Variants in SYT16 observed in about 807,000 individuals in gnomAD.
The protein encoded by SYT16 is synaptotagmin 16, also known as synaptotagmin-16.
SYT16 carries 42 observed loss-of-function variants against 61.4 expected under a neutral mutation model. The ratio of observed to expected loss-of-function variants is 0.68; its 90% CI spans 0.53 to 0.89. The LOEUF (loss-of-function observed/expected upper bound fraction) is 0.89. Ranked by LOEUF, SYT16 falls within the 40% of genes least tolerant of loss-of-function variation. SYT16 has a pLI of 0.00. For missense variants in SYT16, 804 were observed against 807.3 expected, an observed-to-expected ratio of 1.00 and a Z score of 0.05; for synonymous variants, 314 against 302.3, an observed-to-expected ratio of 1.04 and a Z score of -0.40.
chr14:61,937,473 A>G (rs1040240751), intron 1 of SYT16, among the ~76,000 whole-genome samples: 2 of 152,076 alleles, frequency 1.3e-5, no homozygotes, highest in Non-Finnish European at 2.9e-5. Flanking sequence ...TCAGTTTCCA[A>G]CTCCGACCTG....
chr14:61,885,515 C>T (rs1014273118), intron 1 of SYT16, among the ~76,000 whole-genome samples: 1 of 152,092 alleles, frequency 6.6e-6, no homozygotes, highest in Non-Finnish European at 1.5e-5. Context: ...TGAATCCTTG[C>T]ACATATAGTC....
intron 3 of SYT16, among the ~76,000 whole-genome samples, chr14:62,066,634 C>CTGTGAATGAACAA (rs2056071885): frequency 6.6e-6 from 1 of 152,162 alleles, no homozygotes; most frequent in Non-Finnish European, 1.5e-5. Context: ...ATCTTCAGGA[C>CTGTGAATGAACAA]CCATCTGTGA....
chr14:62,065,630 T>C (rs2056029784), intron 3 of SYT16, among the ~76,000 whole-genome samples: 1 of 152,176 alleles, frequency 6.6e-6, no homozygotes, highest in African/African-American at 2.4e-5. Context: ...ATTTTAAAAA[T>C]TGGCCTAAAA....
In SYT16 at chr14:61,979,686, A is replaced by T. The variant is rs1324408227; in HGVS notation, c.-145+9375A>T. ...ATCACGAGGTCAAGAGATCGAGATCATCCTGGCCAACATGGTGAAACCCCG... is the reference window on the plus strand; with the variant it reads ...ATCACGAGGTCAAGAGATCGAGATCTTCCTGGCCAACATGGTGAAACCCCG... On this transcript the variant is annotated intron_variant, in intron 2 of 7. Transcript: ENST00000683842. 2.0e-5 allele frequency among the ~76,000 whole-genome samples: 3 copies of T among 152,326 alleles called. No individual in the cohort carries two copies. The East Asian group carries it at 5.8e-4, about 29-fold the overall frequency.
chr14:62,017,232 C>T (rs930867055), intron 3 of SYT16, among the ~76,000 whole-genome samples: 1 of 152,174 alleles, frequency 6.6e-6, no homozygotes, highest in Admixed American at 6.5e-5. Flanking sequence ...AATGCTTCCT[C>T]CTACTTACCT....
rs981461847 is a variant in SYT16 at position 62,103,390 on chromosome 14, T to A, written c.*2683T>A. The stretch of plus-strand genomic sequence containing the variant: ...GCAGCACTGGTTTTTGTTGCTTGAG[T>A]AGGTCTTTCAGCGATTTTGCCTGAA... On this transcript the variant is annotated 3_prime_UTR_variant, in exon 8 of 8. Coordinates refer to ENST00000683842, the MANE Select transcript of SYT16 (RefSeq NM_001367656.1). 6.6e-6 allele frequency: 1 copy of A among 152,228 alleles called. No individual in the cohort carries two copies. Among genetic ancestry groups the A allele is most frequent in the African/African-American group, 2.4e-5 (1 of 41,452 alleles). The allele number at this position is 152,228 out of a possible 1,614,324, so 9.4% of individuals were successfully genotyped here. A position where few individuals can be genotyped will look rare whatever the true frequency, so the allele number is the denominator to read the frequency against.
At chr14:62,032,878 T>G (rs570869068) in intron 3 of SYT16, among the ~76,000 whole-genome samples, 195 of 152,090 alleles carry the variant, frequency 1.3e-3, no homozygotes, top group Non-Finnish European at 1.9e-3. Context: ...ATGAAAGAAA[T>G]TTGTATCCCT....
At chr14:62,037,834 T>A (rs1051635191) in intron 3 of SYT16, among the ~76,000 whole-genome samples, 2 of 152,158 alleles carry the variant, frequency 1.3e-5, no homozygotes, top group South Asian at 2.1e-4. Flanking sequence ...AACCTGACTT[T>A]CCTGCCTGCT....
intron 1 of SYT16, among the ~76,000 whole-genome samples, chr14:61,919,544 C>T (rs1340540095): frequency 6.6e-6 from 1 of 152,196 alleles, no homozygotes; most frequent in Non-Finnish European, 1.5e-5. Flanking sequence ...TGGCTCATGG[C>T]CTCTTCCTCC....
chr14:61,813,543 C>T (rs2045333792), intron 1 of SYT16, among the ~76,000 whole-genome samples: 1 of 152,218 alleles, frequency 6.6e-6, no homozygotes, highest in South Asian at 2.1e-4. Flanking sequence ...AACCAAGTCA[C>T]ACCTGCGTAC....
intron 3 of SYT16, among the ~76,000 whole-genome samples, chr14:62,014,330 TC>T (rs1413564189): frequency 6.6e-6 from 1 of 152,092 alleles, no homozygotes; most frequent in Non-Finnish European, 1.5e-5. Context: ...CCTTCACAGC[TC>T]CCCCACCTTG....
rs74351361 is a variant in SYT16 at position 62,020,936 on chromosome 14, A to G, written c.523+24394A>G. 3.5e-4 allele frequency among the ~76,000 whole-genome samples: 53 copies of G among 152,256 alleles called. No homozygotes were observed. The East Asian group carries it at 9.1e-3, about 26-fold the overall frequency. On this transcript the variant is annotated intron_variant, in intron 3 of 7. Coordinates refer to ENST00000683842, the MANE Select transcript of SYT16 (RefSeq NM_001367656.1). ...TCACACTCATAAGTGGTGACATTTT[A>G]TTCTTTCTTGGAGTGTGAGCTGTTT... is the stretch of plus-strand genomic sequence containing the variant.
chr14:61,926,201 G>C (rs1017423673), intron 1 of SYT16, among the ~76,000 whole-genome samples: 2 of 141,770 alleles, frequency 1.4e-5, no homozygotes, highest in Non-Finnish European at 3.3e-5. Flanking sequence ...GAAGGAATTT[G>C]CTTTCTTAGG....
intron 1 of SYT16, among the ~76,000 whole-genome samples, chr14:61,919,416 G>T (rs909663733): frequency 6.6e-6 from 1 of 152,194 alleles, no homozygotes; most frequent in East Asian, 1.9e-4. Flanking sequence ...TCAAAAGTTC[G>T]AGACTCATCT....
At chr14:61,908,166 G>A (rs217636) in intron 1 of SYT16, among the ~76,000 whole-genome samples, 138,242 of 152,340 alleles carry the variant, frequency 0.91, 62,845 homozygotes, top group East Asian at 0.98. Flanking sequence ...TTCCACCAGC[G>A]TGTGAACTGC....
chr14:61,996,963 A>G (rs925133272), intron 3 of SYT16, among the ~76,000 whole-genome samples: 1 of 152,062 alleles, frequency 6.6e-6, no homozygotes, highest in Non-Finnish European at 1.5e-5. Context: ...AGTTGATAAC[A>G]CTCCAAGAAC....
intron 3 of SYT16, among the ~76,000 whole-genome samples, chr14:62,044,110 G>C (rs1296636466): frequency 6.6e-6 from 1 of 151,858 alleles, no homozygotes; most frequent in Non-Finnish European, 1.5e-5. Flanking sequence ...TGAGGAGGGA[G>C]GATCATTTGA....
At chr14:62,060,908 A>G (rs918656385) in intron 3 of SYT16, among the ~76,000 whole-genome samples, 29 of 151,288 alleles carry the variant, frequency 1.9e-4, no homozygotes, top group Admixed American at 4.6e-4. Flanking sequence ...GTACTATTTG[A>G]TATTTATTGA....
chr14:62,009,368 C>T (rs2053352545), intron 3 of SYT16, among the ~76,000 whole-genome samples: 1 of 152,098 alleles, frequency 6.6e-6, no homozygotes, highest in Non-Finnish European at 1.5e-5. Context: ...TTTTATCTGT[C>T]TTACTCTAGA....
Sources: allele counts gnomAD v4.1 joint callset (sites outside exome capture counted in the v4.1 genomes callset), GRCh38; gene constraint gnomAD v4.1.1; transcripts MANE v1.5; gene names NCBI Gene and HGNC (gene_info 2026-07-23, HGNC 2026-07-21).